CSMD3: variants seen among roughly 807,000 people sequenced by gnomAD.
CSMD3 encodes CUB and sushi domain-containing protein 3.
In CSMD3, 177 loss-of-function variants were observed where a neutral mutation model predicts 435.2. The ratio of observed to expected loss-of-function variants is 0.41; its 90% CI spans 0.36 to 0.46. The LOEUF is 0.46. Among genes scored for constraint, CSMD3 ranks in the 20% least tolerant of loss-of-function variants. The pLI, the probability that CSMD3 is intolerant of heterozygous loss-of-function variation, is 0.34. For synonymous variants in CSMD3, 1,656 were observed against 1,520.5 expected (o/e 1.09, Z -2.07); for missense variants, 4,265 against 4,504.6 (o/e 0.95, Z 1.52).
rs755886713 is a variant in CSMD3 at position 112,587,174 on chromosome 8, G to A, written c.3777C>T (p.Leu1259=). 1.9e-6 allele frequency: 3 copies of A among 1,609,574 alleles called. No homozygotes were observed. Among genetic ancestry groups the A allele is most frequent in the Non-Finnish European group, 2.5e-6 (3 of 1,176,718 alleles). ...TGCATTCATGGTTGTTTTCATAGTT[G>A]AGTGGATAATTTGGAGACAGCAAAA... ...EGILLSPNYP[L]NYENNHECIY... Residue 1259 remains leucine, a synonymous_variant, in exon 23 of 71, where the codon CTC becomes CTT. Coordinates refer to ENST00000297405, the MANE Select transcript of CSMD3 (RefSeq NM_198123.2).
intron 22 of CSMD3, among the ~76,000 whole-genome samples, chr8:112,594,298 C>A (rs145547232): frequency 1.6e-3 from 241 of 152,284 alleles, no homozygotes; most frequent in African/African-American, 5.3e-3. Flanking sequence ...TCGAATATTG[C>A]GCTTTTCGGA....
chr8:112,539,450 A>G (rs1393366039), intron 27 of CSMD3: 2 of 152,132 alleles, frequency 1.3e-5, no homozygotes, highest in Non-Finnish European at 2.9e-5. Context: ...AAGAACGTGA[A>G]TAACTAAAGC....
chr8:113,409,983 A>C (rs1295050048), intron 1 of CSMD3, among the ~76,000 whole-genome samples: 1 of 151,990 alleles, frequency 6.6e-6, no homozygotes, highest in East Asian at 1.9e-4. Flanking sequence ...ATCTAAAATA[A>C]TTATGCTTAT....
At chr8:112,409,306 A>G (rs1832132351) in intron 32 of CSMD3, among the ~76,000 whole-genome samples, 2 of 152,078 alleles carry the variant, frequency 1.3e-5, no homozygotes, top group South Asian at 4.1e-4. Flanking sequence ...AATTTGGATC[A>G]GAAATCATAA....
intron 40 of CSMD3, among the ~76,000 whole-genome samples, chr8:112,349,852 G>A (rs149801383): frequency 1.5e-4 from 23 of 152,150 alleles, no homozygotes; most frequent in African/African-American, 5.1e-4. Context: ...TGCATTTTAC[G>A]CAGATGTTGT....
At chr8:112,358,294 G>C (rs929068238) in intron 38 of CSMD3, among the ~76,000 whole-genome samples, 13 of 152,170 alleles carry the variant, frequency 8.5e-5, no homozygotes, top group African/African-American at 2.4e-5. Flanking sequence ...CTGGCTCATA[G>C]ATGGAAGGGA....
In CSMD3 at chr8:112,715,736, C is replaced by T. The variant is rs190686101; in HGVS notation, c.1973-25686G>A. 1.1e-3 allele frequency among the ~76,000 whole-genome samples: 172 copies of T among 152,258 alleles called. 1 individual carries two copies. The highest frequency in any genetic ancestry group is 3.6e-3 in the African/African-American group (148 of 41,560). Reference sequence around the variant, plus strand: ...AAAAGCGTATCCACCATGATGAAGTCGGCTTCATCCCTGGAATGCAACGCT... The same window carrying T: ...AAAAGCGTATCCACCATGATGAAGTTGGCTTCATCCCTGGAATGCAACGCT... On this transcript the variant is annotated intron_variant, in intron 13 of 70. Transcript: ENST00000297405.
At chr8:112,672,389 T>G (rs890497452) in intron 16 of CSMD3, among the ~76,000 whole-genome samples, 3 of 152,074 alleles carry the variant, frequency 2.0e-5, no homozygotes, top group African/African-American at 7.2e-5. Flanking sequence ...ATTATTGCTT[T>G]CAAAGACTTT....
At chr8:113,264,859 C>G (rs115556339) in intron 3 of CSMD3, among the ~76,000 whole-genome samples, 1 of 151,560 alleles carries the variant, frequency 6.6e-6, no homozygotes, top group Non-Finnish European at 1.5e-5. Context: ...AATTCCTTAA[C>G]GTAGGAGATG....
At chr8:112,458,349 C>T (rs374829043) in intron 32 of CSMD3, among the ~76,000 whole-genome samples, 2 of 151,944 alleles carry the variant, frequency 1.3e-5, no homozygotes, top group South Asian at 2.1e-4. Flanking sequence ...GACTTTATGT[C>T]CCTGTCCTCT....
At chr8:112,444,077 T>G (rs1815338406) in intron 32 of CSMD3, among the ~76,000 whole-genome samples, 1 of 152,218 alleles carries the variant, frequency 6.6e-6, no homozygotes, top group Non-Finnish European at 1.5e-5. Context: ...TTCCACATTA[T>G]TTTTTGGATT....
At chr8:112,638,554 C>G in intron 21 of CSMD3, 142 bp downstream of exon 21, 1 of 641,396 alleles carries the variant, frequency 1.6e-6, no homozygotes, top group Non-Finnish European at 2.8e-6. Flanking sequence ...AAACTTGACA[C>G]ATACTACTTT....
rs76827048 is a variant in CSMD3 at position 113,081,749 on chromosome 8, G to T, written c.917+17007C>A. On this transcript the variant is annotated intron_variant, in intron 5 of 70. Coordinates refer to ENST00000297405, the MANE Select transcript of CSMD3 (RefSeq NM_198123.2). ...TCTCCCCAAACCAATCCAAATGGTT[G>T]CAGCAACATGTCACAAGCTTGACCC... Among the ~76,000 whole-genome samples the T allele has an allele frequency of 3.3e-4, 50 of 152,204 alleles. No individual in the cohort carries two copies. The East Asian group carries it at 9.7e-3, about 30-fold the overall frequency.
intron 3 of CSMD3, among the ~76,000 whole-genome samples, chr8:113,210,387 T>C (rs1225512905): frequency 6.6e-6 from 1 of 152,070 alleles, no homozygotes; most frequent in Non-Finnish European, 1.5e-5. Flanking sequence ...AATAATTCTC[T>C]TCACAAACTA....
At chr8:113,322,453 A>C (rs1260322821) in intron 1 of CSMD3, among the ~76,000 whole-genome samples, 1 of 152,192 alleles carries the variant, frequency 6.6e-6, no homozygotes, top group Non-Finnish European at 1.5e-5. Context: ...GTTTGTCATA[A>C]ATTAAACATG....
chr8:112,492,444 A>AT (rs778498220), intron 31 of CSMD3, 45 bp downstream of exon 31: 16 of 1,485,196 alleles, frequency 1.1e-5, no homozygotes, highest in Middle Eastern at 3.4e-4. Context: ...ATATTTTTTG[A>AT]TTTTTTCTAA....
intron 2 of CSMD3, among the ~76,000 whole-genome samples, chr8:113,295,395 G>C (rs1250470992): frequency 6.6e-6 from 1 of 151,900 alleles, no homozygotes; most frequent in Non-Finnish European, 1.5e-5. Context: ...ATAATATGAA[G>C]GTGAAGAAAA....
At chr8:112,866,078 G>A (rs572492346) in intron 10 of CSMD3, among the ~76,000 whole-genome samples, 1 of 152,250 alleles carries the variant, frequency 6.6e-6, no homozygotes, top group South Asian at 2.1e-4. Context: ...ATGTATTAGG[G>A]TTGTTGAAAG....
At chr8:112,461,419 T>C (rs1182912703) in intron 32 of CSMD3, among the ~76,000 whole-genome samples, 1 of 152,140 alleles carries the variant, frequency 6.6e-6, no homozygotes, top group African/African-American at 2.4e-5. Context: ...TATTAATATA[T>C]ATGTATAACT....
Sources: gnomAD v4.1 joint callset for allele counts (sites outside exome capture counted in the v4.1 genomes callset) on GRCh38, gnomAD v4.1.1 for gene constraint, MANE v1.5 for transcripts, NCBI Gene and HGNC (gene_info 2026-07-23, HGNC 2026-07-21) for gene names.